ERC1: variants seen among roughly 807,000 people sequenced by gnomAD.
The protein encoded by ERC1 is ELKS/RAB6-interacting/CAST family member 1, also known as RAB6 interacting protein 2.
In ERC1, 56 loss-of-function variants were observed where a neutral mutation model predicts 132.0. The ratio of observed to expected loss-of-function variants is 0.42; its 90% CI spans 0.34 to 0.53. The LOEUF (loss-of-function observed/expected upper bound fraction) is 0.53, where lower values mean the gene tolerates loss of function less well. ERC1 is among the 20% of genes least tolerant of loss of function. The probability of loss-of-function intolerance (pLI) is 0.03; values close to 1 mark genes in which losing one functional copy is unlikely to be tolerated. For synonymous variants in ERC1, 478 were observed against 476.1 expected (o/e 1.00, Z -0.05); for missense variants, 1,202 against 1,349.9 (o/e 0.89, Z 1.72).
intron 1 of ERC1, among the ~76,000 whole-genome samples, chr12:1,024,155 C>T (rs546948068): frequency 2.0e-5 from 3 of 152,120 alleles, no homozygotes; most frequent in Admixed American, 6.6e-5. Flanking sequence ...CTGAGGCAGG[C>T]GAATCCGTTG....
At chr12:1,452,453 C>T (rs2093445524) in intron 18 of ERC1, among the ~76,000 whole-genome samples, 1 of 152,102 alleles carries the variant, frequency 6.6e-6, no homozygotes, top group Non-Finnish European at 1.5e-5. Context: ...TCTCTGAGCC[C>T]CTGCTCTGGA....
At chr12:1,022,069 T>C (rs904514025) in intron 1 of ERC1, among the ~76,000 whole-genome samples, 1 of 152,174 alleles carries the variant, frequency 6.6e-6, no homozygotes, top group African/African-American at 2.4e-5. Context: ...TATTTATCTG[T>C]TTATTTTAGA....
chr12:1,307,204 T>C (rs1208519267), intron 15 of ERC1, among the ~76,000 whole-genome samples: 1 of 152,220 alleles, frequency 6.6e-6, no homozygotes, highest in Non-Finnish European at 1.5e-5. Flanking sequence ...TCATTTAATT[T>C]TGGACCAATA....
At chr12:1,463,697 CTGTGTGTGTGTGTGTG>C (rs57210462) in intron 18 of ERC1, among the ~76,000 whole-genome samples, 2 of 136,032 alleles carry the variant, frequency 1.5e-5, no homozygotes, top group South Asian at 2.4e-4. Flanking sequence ...GGTGCTAAGA[CTGTGTGTGTGTGTGTG>C]TGTGTGTGTG....
chr12:1,025,801 T>G (rs1371166439), intron 1 of ERC1, among the ~76,000 whole-genome samples: 1 of 149,076 alleles, frequency 6.7e-6, no homozygotes, highest in African/African-American at 2.5e-5. Flanking sequence ...AAAGTTTTTT[T>G]TTTTTTTTTT....
At chr12:1,189,735 C>A in intron 11 of ERC1, 124 bp from the exon 12 acceptor site, 1 of 681,780 alleles carries the variant, frequency 1.5e-6, no homozygotes. Flanking sequence ...TTATAAATTA[C>A]AAACTAACTG....
chr12:1,203,098 C>T (rs1435631820), intron 12 of ERC1, among the ~76,000 whole-genome samples: 1 of 152,232 alleles, frequency 6.6e-6, no homozygotes, highest in East Asian at 1.9e-4. Context: ...TGCTCTGTTG[C>T]CCAGGCTGGA....
rs535873898 is a variant in ERC1, at chr12:1,411,912, C to T, written c.3024+3665C>T. Among the ~76,000 whole-genome samples the T allele has an allele frequency of 3.2e-3, 485 of 152,292 alleles. 6 individuals carry two copies. The highest frequency in any genetic ancestry group is 0.017 in the South Asian group (84 of 4,820). ...CCAGGAGACTAGAAAGTAAGCAAAT[C>T]AGTATATAAACTTGTTCCTGAAATC... is the stretch of plus-strand genomic sequence containing the variant. On this transcript the variant is annotated intron_variant, in intron 17 of 18. Transcript: ENST00000360905.
chr12:1,190,080 A>C (rs1269037241), intron 12 of ERC1, 28 bp downstream of exon 12: 1 of 1,575,914 alleles, frequency 6.3e-7, no homozygotes, highest in Non-Finnish European at 8.7e-7. Context: ...ATTGGGGCTT[A>C]TGAGGTTAAA....
intron 15 of ERC1, among the ~76,000 whole-genome samples, chr12:1,315,309 G>A (rs193170404): frequency 5.9e-5 from 9 of 152,036 alleles, no homozygotes; most frequent in East Asian, 1.9e-4. Flanking sequence ...GAGCCACTGC[G>A]CCCAGCCCAT....
chr12:1,274,469 ATTT>A (rs1374236897), intron 14 of ERC1, among the ~76,000 whole-genome samples: 4 of 146,378 alleles, frequency 2.7e-5, no homozygotes, highest in Non-Finnish European at 5.9e-5. Context: ...CGTCTATTTT[ATTT>A]TATTTTATTT....
rs1344831150 is a variant in ERC1, at chr12:1,236,951, T to G, written c.2487+47T>G. On this transcript the variant is annotated intron_variant, in intron 13 of 18. Coordinates refer to ENST00000360905, the MANE Select transcript of ERC1 (RefSeq NM_178040.4). ...GAAAGGATCGGGTGAAGACATTTGATCCGTAATCGCATGTTGTTTTTCTCT... is the reference window on the plus strand; with the variant it reads ...GAAAGGATCGGGTGAAGACATTTGAGCCGTAATCGCATGTTGTTTTTCTCT... 3.1e-6 allele frequency: 5 copies of G among 1,604,922 alleles called. No homozygotes were observed. In the South Asian group the frequency reaches 4.4e-5, roughly 14 times the overall value.
chr12:1,217,569 C>G (rs919412712), intron 12 of ERC1, among the ~76,000 whole-genome samples: 1 of 152,104 alleles, frequency 6.6e-6, no homozygotes, highest in South Asian at 2.1e-4. Context: ...GATTGTTACC[C>G]GTCAGAATTC....
intron 16 of ERC1, among the ~76,000 whole-genome samples, chr12:1,402,033 A>G (rs1042120580): frequency 4.6e-5 from 7 of 152,330 alleles, no homozygotes; most frequent in South Asian, 2.1e-4. Context: ...AGAAGGACCA[A>G]TATTGCAAAA....
chr12:1,368,841 A>G (rs369446164), intron 15 of ERC1, among the ~76,000 whole-genome samples: 2 of 152,238 alleles, frequency 1.3e-5, no homozygotes, highest in African/African-American at 4.8e-5. Context: ...TCATATGATT[A>G]TATGTGCAAT....
intron 17 of ERC1, among the ~76,000 whole-genome samples, chr12:1,434,279 C>T (rs1041443335): frequency 6.6e-6 from 1 of 152,124 alleles, no homozygotes; most frequent in Non-Finnish European, 1.5e-5. Flanking sequence ...TTTGTGAGTA[C>T]TAAAAGGTGG....
At chr12:1,460,772 T>A (rs1455867127) in intron 18 of ERC1, among the ~76,000 whole-genome samples, 2 of 151,390 alleles carry the variant, frequency 1.3e-5, no homozygotes, top group Non-Finnish European at 2.9e-5. Flanking sequence ...ATAACAGGGA[T>A]GTATAATAGC....
chr12:1,465,150 G>A (rs2093719675), intron 18 of ERC1, among the ~76,000 whole-genome samples: 1 of 152,082 alleles, frequency 6.6e-6, no homozygotes, highest in Non-Finnish European at 1.5e-5. Context: ...CATCGCCAGT[G>A]TCATCTTCCA....
chr12:1,247,658 T>A (rs1220659118), intron 13 of ERC1, among the ~76,000 whole-genome samples: 1 of 152,230 alleles, frequency 6.6e-6, no homozygotes, highest in East Asian at 1.9e-4. Context: ...GCAGATATTA[T>A]GTTCTCATAT....
Sources: gnomAD v4.1 joint callset for allele counts (sites outside exome capture counted in the v4.1 genomes callset) on GRCh38, gnomAD v4.1.1 for gene constraint, MANE v1.5 for transcripts, NCBI Gene and HGNC (gene_info 2026-07-23, HGNC 2026-07-21) for gene names.